SGK1: variants seen among roughly 807,000 people sequenced by gnomAD.
SGK1 encodes serum/glucocorticoid regulated kinase 1, also known as serine/threonine-protein kinase Sgk1.
Under a neutral mutation model 64.2 loss-of-function variants are expected in SGK1, and 26 were observed. The ratio of observed to expected loss-of-function variants is 0.40; its 90% CI spans 0.30 to 0.56. The LOEUF (loss-of-function observed/expected upper bound fraction) is 0.56, where lower values mean the gene tolerates loss of function less well. Ranked by LOEUF, SGK1 falls within the 20% of genes least tolerant of loss-of-function variation. The pLI is 0.38. For synonymous variants in SGK1, 265 were observed against 239.7 expected (o/e 1.11, Z -0.98); for missense variants, 519 against 645.6 (o/e 0.80, Z 2.12).
At chr6:134,266,465 A>T (rs1436818803) in intron 1 of SGK1, among the ~76,000 whole-genome samples, 1 of 151,962 alleles carries the variant, frequency 6.6e-6, no homozygotes, top group Non-Finnish European at 1.5e-5. Flanking sequence ...AAATACAAAA[A>T]TTAGCTGGGC....
intron 2 of SGK1, among the ~76,000 whole-genome samples, chr6:134,220,199 T>C (rs1776068561): frequency 6.6e-6 from 1 of 152,124 alleles, no homozygotes; most frequent in Non-Finnish European, 1.5e-5. Context: ...TCAATGCATG[T>C]TTATTGACCA....
rs1379657755 is a variant in SGK1, at chr6:134,294,873, C to T, written c.69+22519G>A. On this transcript the variant is annotated intron_variant, in intron 1 of 13. Coordinates refer to ENST00000367858, the MANE Select transcript of SGK1 (RefSeq NM_001143676.3). ...TTAGATAACAAAGTCTAGAGGAAAG[C>T]TAATAATTACTGTAAATTTCTCAGT... 2.6e-5 allele frequency among the ~76,000 whole-genome samples: 4 copies of T among 152,198 alleles called. No individual in the cohort carries two copies. In the East Asian group the frequency reaches 7.7e-4, roughly 29 times the overall value.
In SGK1 at chr6:134,174,501, T is replaced by C; in HGVS notation, c.437+10A>G. On this transcript the variant is annotated intron_variant, in intron 4 of 13. Transcript: ENST00000367858. ...ATACTAGTTATTTCCTCAAATCCGGTCAAACTTACTGTTTGCATGCATAGG... is the reference window on the plus strand; with the variant it reads ...ATACTAGTTATTTCCTCAAATCCGGCCAAACTTACTGTTTGCATGCATAGG... 1 of 1,604,166 alleles carries C rather than the reference T, an allele frequency of 6.2e-7. No homozygotes were observed. The highest frequency in any genetic ancestry group is 1.3e-5 in the African/African-American group (1 of 74,814).
In SGK1 at chr6:134,207,349, A is replaced by G. The variant is rs768774657; in HGVS notation, c.361+7T>C. 6.5e-5 allele frequency: 103 copies of G among 1,592,604 alleles called. No individual in the cohort carries two copies. Among genetic ancestry groups the G allele is most frequent in the Non-Finnish European group, 8.6e-5 (100 of 1,161,428 alleles). On this transcript the variant is annotated splice_region_variant and intron_variant, in intron 3 of 13. Transcript: ENST00000367858. ...ACAGGAAACAGGTTGTATTTTTCCA[A>G]TAATACCTGGATCATCATTAGTCCA... is the stretch of plus-strand genomic sequence containing the variant.
intron 4 of SGK1, 99 bp downstream of exon 4, chr6:134,174,412 A>G: frequency 1.2e-6 from 1 of 800,608 alleles, no homozygotes; most frequent in Non-Finnish European, 2.1e-6. Flanking sequence ...CCCACCCCAG[A>G]AGAAGTCTTC....
chr6:134,254,736 A>C (rs541071434), intron 2 of SGK1, among the ~76,000 whole-genome samples: 70 of 152,324 alleles, frequency 4.6e-4, no homozygotes, highest in African/African-American at 1.6e-3. Flanking sequence ...CTCATAGATA[A>C]ACACACATAT....
intron 1 of SGK1, among the ~76,000 whole-genome samples, chr6:134,294,246 T>G (rs1206890108): frequency 6.6e-6 from 1 of 152,186 alleles, no homozygotes; most frequent in Non-Finnish European, 1.5e-5. Context: ...ATACATCACA[T>G]AAAATTTACC....
chr6:134,253,736 G>T (rs1307628669), intron 2 of SGK1, among the ~76,000 whole-genome samples: 4 of 152,150 alleles, frequency 2.6e-5, no homozygotes, highest in African/African-American at 9.7e-5. Context: ...AAAGGAGGAA[G>T]AAGAGGCAGT....
At chr6:134,189,774 T>C (rs538086657) in intron 3 of SGK1, among the ~76,000 whole-genome samples, 30 of 152,356 alleles carry the variant, frequency 2.0e-4, no homozygotes, top group South Asian at 8.3e-4. Context: ...TAATAAGCCC[T>C]GACTTTCCTT....
At chr6:134,274,260 T>C (rs997295394) in intron 1 of SGK1, among the ~76,000 whole-genome samples, 6 of 152,084 alleles carry the variant, frequency 3.9e-5, no homozygotes, top group African/African-American at 1.4e-4. Flanking sequence ...CACCTCGGCC[T>C]CCCAAAGCCC....
intron 1 of SGK1, among the ~76,000 whole-genome samples, chr6:134,306,448 A>C (rs1777536352): frequency 6.6e-6 from 1 of 151,970 alleles, no homozygotes; most frequent in African/African-American, 2.4e-5. Context: ...ACACACAAGG[A>C]GCTATAATGA....
In SGK1 at chr6:134,170,125, C is replaced by T; in HGVS notation, c.*143G>A. 1.6e-6 allele frequency: 1 copy of T among 608,358 alleles called. No homozygotes were observed. The allele number at this position is 608,358 out of a possible 1,614,324, so 37.7% of individuals were successfully genotyped here. ...TGCTCTTCAAAAAGCTTCCAGCGAA[C>T]AGTGTGCAATAAGATTGCTAAGCTT... On this transcript the variant is annotated 3_prime_UTR_variant, in exon 14 of 14. Transcript: ENST00000367858.
intron 2 of SGK1, among the ~76,000 whole-genome samples, chr6:134,254,763 A>G (rs1776655670): frequency 2.0e-5 from 3 of 152,240 alleles, no homozygotes; most frequent in African/African-American, 7.2e-5. Context: ...ACAAGAAGAA[A>G]GAAATACAAA....
intron 1 of SGK1, among the ~76,000 whole-genome samples, chr6:134,293,595 A>T (rs1448125036): frequency 6.6e-6 from 1 of 152,206 alleles, no homozygotes; most frequent in Admixed American, 6.5e-5. Context: ...AACAGAAATC[A>T]GACCACTTAC....
chr6:134,317,284 T>A (rs192023720), intron 1 of SGK1, 108 bp downstream of exon 1: 1 of 785,318 alleles, frequency 1.3e-6, no homozygotes, highest in Non-Finnish European at 2.3e-6. Flanking sequence ...GAAGCACGGC[T>A]TACATTAAGG....
intron 2 of SGK1, among the ~76,000 whole-genome samples, chr6:134,212,256 T>C (rs1488497198): frequency 2.0e-5 from 3 of 152,086 alleles, no homozygotes; most frequent in Non-Finnish European, 2.9e-5. Context: ...GGTTTCATCA[T>C]GTTAGCCAGG....
chr6:134,263,282 G>A (rs978237334), intron 1 of SGK1, among the ~76,000 whole-genome samples: 6 of 152,110 alleles, frequency 3.9e-5, no homozygotes, highest in African/African-American at 4.8e-5. Context: ...TGTCACCCAG[G>A]ATGGAATGCA....
chr6:134,273,512 G>A (rs1478272857), intron 1 of SGK1, among the ~76,000 whole-genome samples: 1 of 141,502 alleles, frequency 7.1e-6, no homozygotes, highest in African/African-American at 2.6e-5. Context: ...AGAATGGCGT[G>A]AACCCGGGAG....
At chr6:134,173,900 C>T (rs1049089500) in intron 5 of SGK1, 105 bp downstream of exon 5, 5 of 758,856 alleles carry the variant, frequency 6.6e-6, no homozygotes, top group Non-Finnish European at 1.1e-5. Context: ...AGCATTCCTG[C>T]CTTGATACTA....
Sources: allele counts gnomAD v4.1 joint callset (sites outside exome capture counted in the v4.1 genomes callset), GRCh38; gene constraint gnomAD v4.1.1; transcripts MANE v1.5; gene names NCBI Gene and HGNC (gene_info 2026-07-23, HGNC 2026-07-21).